LRRC4C: variants seen among roughly 807,000 people sequenced by gnomAD.
LRRC4C encodes the protein leucine-rich repeat-containing protein 4C.
LRRC4C carries 5 observed loss-of-function variants against 33.6 expected under a neutral mutation model. The observed-to-expected ratio is 0.15, with a 90% CI of 0.08 to 0.31. The LOEUF (loss-of-function observed/expected upper bound fraction) is 0.31, where lower values mean the gene tolerates loss of function less well. Among genes scored for constraint, LRRC4C ranks in the 10% least tolerant of loss-of-function variants. The pLI is 1.00. For missense variants in LRRC4C, 560 were observed against 796.7 expected (o/e 0.70, Z 3.58); for synonymous variants, 329 against 302.0 (o/e 1.09, Z -0.93).
chr11:40,991,756 G>A (rs995613420), intron 1 of LRRC4C, among the ~76,000 whole-genome samples: 1 of 152,122 alleles, frequency 6.6e-6, no homozygotes, highest in African/African-American at 2.4e-5. Flanking sequence ...TAGGGTTTGT[G>A]CTCCTTTGAG....
At chr11:40,295,471 C>T (rs996266698) in intron 4 of LRRC4C, among the ~76,000 whole-genome samples, 27 of 152,000 alleles carry the variant, frequency 1.8e-4, no homozygotes, top group African/African-American at 5.3e-4. Flanking sequence ...TAAATCATAA[C>T]GGAAGGTAGC....
intron 3 of LRRC4C, among the ~76,000 whole-genome samples, chr11:40,380,929 C>T (rs1359953634): frequency 6.6e-6 from 1 of 152,110 alleles, no homozygotes; most frequent in South Asian, 2.1e-4. Context: ...ATATATTTAA[C>T]AAACTTGTTG....
chr11:41,196,725 G>T (rs1187364664), intron 1 of LRRC4C, among the ~76,000 whole-genome samples: 2 of 151,974 alleles, frequency 1.3e-5, no homozygotes, highest in Non-Finnish European at 1.5e-5. Context: ...GAATGGATGG[G>T]TTGGTTGATA....
intron 2 of LRRC4C, among the ~76,000 whole-genome samples, chr11:40,705,215 T>A (rs1485992419): frequency 6.6e-6 from 1 of 152,136 alleles, no homozygotes; most frequent in East Asian, 1.9e-4. Flanking sequence ...TTTAGTTTTT[T>A]TATTATTATA....
intron 3 of LRRC4C, among the ~76,000 whole-genome samples, chr11:40,337,685 C>A (rs1565287945): frequency 6.6e-6 from 1 of 152,172 alleles, no homozygotes; most frequent in Non-Finnish European, 1.5e-5. Context: ...TTCTTTCCAA[C>A]ATTTATTTTA....
In LRRC4C at chr11:40,719,936, TAA is replaced by T. The variant is rs5791400; in HGVS notation, c.-406-71660_-406-71659del. 3.6e-4 allele frequency among the ~76,000 whole-genome samples: 55 copies of T among 151,580 alleles called. No homozygotes were observed. In the East Asian group the frequency reaches 5.7e-3, roughly 16 times the overall value. ...AACTATCCAACTTGCTTCCTTTAAT[TAA>T]AAAAAAAATTTTAATTTGATTTAAT... is the stretch of plus-strand genomic sequence containing the variant. On this transcript the variant is annotated intron_variant, in intron 2 of 6. Coordinates refer to ENST00000528697, the MANE Select transcript of LRRC4C (RefSeq NM_001258419.2).
intron 1 of LRRC4C, among the ~76,000 whole-genome samples, chr11:41,404,335 TA>T (rs1208306094): frequency 2.6e-5 from 4 of 152,020 alleles, no homozygotes; most frequent in Admixed American, 6.6e-5. Flanking sequence ...GTTTGCTTTC[TA>T]GTAAATGGTT....
At chr11:40,912,547 C>T (rs1281252674) in intron 2 of LRRC4C, among the ~76,000 whole-genome samples, 15 of 152,230 alleles carry the variant, frequency 9.9e-5, no homozygotes, top group Middle Eastern at 3.4e-3. Flanking sequence ...CTGAAGGAAG[C>T]GCTAAACATG....
At chr11:40,285,037 A>G (rs542406351) in intron 4 of LRRC4C, among the ~76,000 whole-genome samples, 11 of 152,290 alleles carry the variant, frequency 7.2e-5, no homozygotes, top group Admixed American at 6.5e-4. Context: ...CTGTAATTTA[A>G]TAAAAACAGT....
At chr11:40,162,928 A>T (rs1186398133) in intron 5 of LRRC4C, among the ~76,000 whole-genome samples, 3 of 152,152 alleles carry the variant, frequency 2.0e-5, no homozygotes, top group Non-Finnish European at 2.9e-5. Flanking sequence ...TCTGGATGGA[A>T]TGTTCTCATT....
At chr11:41,273,241 T>C (rs1043861985) in intron 1 of LRRC4C, among the ~76,000 whole-genome samples, 5 of 152,100 alleles carry the variant, frequency 3.3e-5, no homozygotes, top group Non-Finnish European at 4.4e-5. Context: ...AGAGGTTTCA[T>C]AGAACTACCG....
chr11:40,644,295 A>T (rs1479601817), intron 3 of LRRC4C, among the ~76,000 whole-genome samples: 1 of 152,204 alleles, frequency 6.6e-6, no homozygotes, highest in African/African-American at 2.4e-5. Context: ...CTGTAAAAGG[A>T]TTAAGAGGAT....
chr11:40,540,594 G>A (rs915272326), intron 3 of LRRC4C, among the ~76,000 whole-genome samples: 6 of 151,888 alleles, frequency 4.0e-5, no homozygotes, highest in Non-Finnish European at 7.4e-5. Flanking sequence ...CTAAAATTTA[G>A]GTAAGGGAAG....
At chr11:41,277,277 CTCAT>C (rs1949514742) in intron 1 of LRRC4C, among the ~76,000 whole-genome samples, 1 of 152,142 alleles carries the variant, frequency 6.6e-6, no homozygotes, top group Admixed American at 6.5e-5. Flanking sequence ...CAGTCTTTAA[CTCAT>C]TCAGGTGAAT....
chr11:41,453,755 ACT>A (rs746787142), intron 1 of LRRC4C, among the ~76,000 whole-genome samples: 1 of 151,488 alleles, frequency 6.6e-6, no homozygotes, highest in Non-Finnish European at 1.5e-5. Context: ...ACCTTTGCTG[ACT>A]CTATGAGATA....
chr11:41,394,577 T>C (rs926094769), intron 1 of LRRC4C: 1 of 151,956 alleles, frequency 6.6e-6, no homozygotes, highest in African/African-American at 2.4e-5. Context: ...GATTTGATCC[T>C]TGTGGTAAAA....
chr11:40,968,273 A>G (rs190699802), intron 1 of LRRC4C, among the ~76,000 whole-genome samples: 15 of 152,254 alleles, frequency 9.9e-5, no homozygotes, highest in Admixed American at 8.5e-4. Flanking sequence ...GCTGCAGAAG[A>G]AAAATAGGAA....
intron 1 of LRRC4C, among the ~76,000 whole-genome samples, chr11:41,205,815 C>T (rs1375907033): frequency 6.6e-6 from 1 of 152,132 alleles, no homozygotes; most frequent in East Asian, 1.9e-4. Flanking sequence ...TTATTATCCT[C>T]CTTTTACAGA....
chr11:40,887,001 C>T (rs1055564575), intron 2 of LRRC4C, among the ~76,000 whole-genome samples: 2 of 149,988 alleles, frequency 1.3e-5, no homozygotes, highest in Non-Finnish European at 3.0e-5. Flanking sequence ...TATCTACACA[C>T]ACACACACAC....
Sources: allele counts gnomAD v4.1 joint callset (sites outside exome capture counted in the v4.1 genomes callset), GRCh38; gene constraint gnomAD v4.1.1; transcripts MANE v1.5; gene names NCBI Gene and HGNC (gene_info 2026-07-23, HGNC 2026-07-21).